The following CDH9 variants were observed in gnomAD, a reference collection of about 807,000 sequenced individuals.
The protein encoded by CDH9 is cadherin 9, also known as cadherin-9.
In CDH9, 28 loss-of-function variants were observed where a neutral mutation model predicts 70.9. The ratio of observed to expected loss-of-function variants is 0.40; its 90% CI spans 0.29 to 0.54. The LOEUF is 0.54. Among genes scored for constraint, CDH9 ranks in the 20% least tolerant of loss-of-function variants. CDH9 has a pLI of 0.59. For missense variants in CDH9, 874 were observed against 984.4 expected (o/e 0.89, Z 1.50); for synonymous variants, 409 against 343.1 (o/e 1.19, Z -2.12).
At chr5:26,897,498 T>G (rs543768195) in intron 7 of CDH9, among the ~76,000 whole-genome samples, 44 of 152,298 alleles carry the variant, frequency 2.9e-4, no homozygotes, top group African/African-American at 1.0e-3. Flanking sequence ...ATCCCTGGGA[T>G]GCAAGACTGG....
intron 2 of CDH9, among the ~76,000 whole-genome samples, chr5:26,965,694 A>T (rs1001287528): frequency 6.6e-6 from 1 of 151,880 alleles, no homozygotes; most frequent in Non-Finnish European, 1.5e-5. Flanking sequence ...TAATTATTTT[A>T]GCCTAATTAT....
At chr5:27,010,108 T>C (rs1015290193) in intron 1 of CDH9, among the ~76,000 whole-genome samples, 1 of 152,122 alleles carries the variant, frequency 6.6e-6, no homozygotes, top group Non-Finnish European at 1.5e-5. Flanking sequence ...TAACAAATTG[T>C]TAAATGCACA....
intron 1 of CDH9, among the ~76,000 whole-genome samples, chr5:27,029,642 T>G (rs1579522638): frequency 1.3e-5 from 2 of 152,072 alleles, no homozygotes; most frequent in African/African-American, 4.8e-5. Context: ...AAAATTTAAA[T>G]GTAAGGCAAT....
At chr5:26,966,472 G>T (rs2112068026) in intron 2 of CDH9, among the ~76,000 whole-genome samples, 1 of 152,234 alleles carries the variant, frequency 6.6e-6, no homozygotes, top group African/African-American at 2.4e-5. Flanking sequence ...AATTATATTT[G>T]CAAATAATAA....
intron 2 of CDH9, among the ~76,000 whole-genome samples, chr5:26,932,045 A>C (rs947748741): frequency 6.6e-6 from 1 of 152,340 alleles, no homozygotes; most frequent in African/African-American, 2.4e-5. Context: ...AGTTTTAGAT[A>C]AAATATTTGT....
At chr5:26,927,283 C>T (rs1469940929) in intron 2 of CDH9, among the ~76,000 whole-genome samples, 9 of 151,808 alleles carry the variant, frequency 5.9e-5, no homozygotes, top group Non-Finnish European at 1.3e-4. Flanking sequence ...ATGAAAGATC[C>T]CCAGCTAGTA....
At chr5:26,894,437 A>G (rs949636819) in intron 7 of CDH9, among the ~76,000 whole-genome samples, 3 of 152,066 alleles carry the variant, frequency 2.0e-5, no homozygotes, top group African/African-American at 4.8e-5. Context: ...CTTAGGTACA[A>G]CCTTGAAAGA....
intron 1 of CDH9, among the ~76,000 whole-genome samples, chr5:27,027,987 C>T (rs1046433775): frequency 6.6e-6 from 1 of 152,028 alleles, no homozygotes; most frequent in Non-Finnish European, 1.5e-5. Flanking sequence ...CAAATTAAAA[C>T]ATAAATACAA....
intron 2 of CDH9, among the ~76,000 whole-genome samples, chr5:26,958,879 AT>A (rs1741989080): frequency 6.6e-6 from 1 of 152,182 alleles, no homozygotes; most frequent in Non-Finnish European, 1.5e-5. Flanking sequence ...TCAATGGCCT[AT>A]GTTTAAGAAC....
intron 1 of CDH9, among the ~76,000 whole-genome samples, chr5:27,029,724 G>A (rs960950221): frequency 1.3e-5 from 2 of 152,008 alleles, no homozygotes; most frequent in Admixed American, 6.6e-5. Flanking sequence ...TCCTGATTAC[G>A]AGTCTAAATG....
At chr5:26,961,235 C>A (rs952862424) in intron 2 of CDH9, among the ~76,000 whole-genome samples, 7 of 152,030 alleles carry the variant, frequency 4.6e-5, no homozygotes, top group Admixed American at 3.3e-4. Context: ...TGAACATATG[C>A]ACATACTTAC....
At chr5:26,995,150 T>C (rs1742645927) in intron 1 of CDH9, among the ~76,000 whole-genome samples, 1 of 152,198 alleles carries the variant, frequency 6.6e-6, no homozygotes, top group African/African-American at 2.4e-5. Context: ...GTATTGTGTC[T>C]TGCATAAAAG....
chr5:26,951,433 G>A (rs962504225), intron 2 of CDH9, among the ~76,000 whole-genome samples: 4 of 151,348 alleles, frequency 2.6e-5, no homozygotes, highest in Non-Finnish European at 2.9e-5. Context: ...TTAGTGGAAT[G>A]TCCCCACTTT....
intron 1 of CDH9, among the ~76,000 whole-genome samples, chr5:26,990,125 T>C (rs554578480): frequency 6.6e-6 from 1 of 152,182 alleles, no homozygotes; most frequent in Admixed American, 6.5e-5. Context: ...ACTCAACATA[T>C]TAGCATTATC....
chr5:27,008,961 C>A (rs368567276), intron 1 of CDH9, among the ~76,000 whole-genome samples: 11 of 152,176 alleles, frequency 7.2e-5, no homozygotes, highest in East Asian at 3.9e-4. Flanking sequence ...TTTCATGAAC[C>A]AAATAAGGTT....
At chr5:26,931,929 C>T (rs1027922810) in intron 2 of CDH9, among the ~76,000 whole-genome samples, 1 of 152,058 alleles carries the variant, frequency 6.6e-6, no homozygotes, top group Non-Finnish European at 1.5e-5. Flanking sequence ...TGACCTGTTT[C>T]AAGTTAGAAG....
rs112411752 is a variant in CDH9, at chr5:26,997,768, C to T, written c.-49-9386G>A. Among the ~76,000 whole-genome samples the T allele has an allele frequency of 8.7e-4, 130 of 149,972 alleles. 2 individuals are homozygous for T. Among genetic ancestry groups the T allele is most frequent in the African/African-American group, 3.0e-3 (124 of 40,682 alleles). On this transcript the variant is annotated intron_variant, in intron 1 of 11. Coordinates refer to ENST00000231021, the MANE Select transcript of CDH9 (RefSeq NM_016279.4). ...AGGCTGGAGTGCAGTGGTGTGATCT[C>T]GGCTCACCACAACCTCTGCCTCCTG... is the stretch of plus-strand genomic sequence containing the variant.
chr5:26,900,478 G>A (rs184868938), intron 7 of CDH9, among the ~76,000 whole-genome samples: 1 of 152,152 alleles, frequency 6.6e-6, no homozygotes, highest in Admixed American at 6.6e-5. Context: ...TGGTGACCTT[G>A]AAGGGGCATC....
chr5:27,015,798 A>G (rs945177026), intron 1 of CDH9, among the ~76,000 whole-genome samples: 2 of 151,722 alleles, frequency 1.3e-5, no homozygotes, highest in African/African-American at 4.8e-5. Context: ...TTATAATAGA[A>G]TTCTGCTTAT....
Sources: allele counts gnomAD v4.1 joint callset (sites outside exome capture counted in the v4.1 genomes callset), GRCh38; gene constraint gnomAD v4.1.1; transcripts MANE v1.5; gene names NCBI Gene and HGNC (gene_info 2026-07-23, HGNC 2026-07-21).